The following DIS3L2 variants were observed in gnomAD, a reference collection of about 807,000 sequenced individuals.
DIS3L2 encodes DIS3-like exonuclease 2.
A neutral mutation model predicts 97.5 loss-of-function variants in DIS3L2; 34 were observed. The ratio of observed to expected loss-of-function variants is 0.35; its 90% CI spans 0.27 to 0.46. The LOEUF (loss-of-function observed/expected upper bound fraction) is 0.46. Among genes scored for constraint, DIS3L2 ranks in the 20% least tolerant of loss-of-function variants. DIS3L2 has a pLI of 1.00. For missense variants in DIS3L2, 1,038 were observed against 1,146.0 expected (o/e 0.91, Z 1.36); for synonymous variants, 435 against 445.2 (o/e 0.98, Z 0.29).
chr2:232,258,584 G>A (rs1693630433), intron 12 of DIS3L2, among the ~76,000 whole-genome samples: 1 of 133,836 alleles, frequency 7.5e-6, no homozygotes, highest in African/African-American at 2.8e-5. Flanking sequence ...GAGTGACAGA[G>A]CGAGACTCTG....
At chr2:232,334,303 T>TC (rs1355820143) in intron 17 of DIS3L2, 66 bp from the exon 18 acceptor site, 1 of 1,546,328 alleles carries the variant, frequency 6.5e-7, no homozygotes, top group Non-Finnish European at 8.8e-7. Context: ...ATGCAGCCCA[T>TC]CCCCCAGCCA....
chr2:231,984,384 CTTTTTTTTT>C (rs1297535054), intron 1 of DIS3L2, among the ~76,000 whole-genome samples: 16 of 126,028 alleles, frequency 1.3e-4, no homozygotes, highest in Non-Finnish European at 2.2e-4. Flanking sequence ...ACTGCAACTT[CTTTTTTTTT>C]TTTTTTTTTT....
Position 231,972,805 on chromosome 2 carries a change from A to G in DIS3L2, c.-94+11040A>G, listed in dbSNP as rs185501693. Among the ~76,000 whole-genome samples the G allele has an allele frequency of 3.5e-3, 532 of 152,272 alleles. 5 individuals are homozygous for G. The highest frequency in any genetic ancestry group is 0.012 in the African/African-American group (517 of 41,540). On this transcript the variant is annotated intron_variant, in intron 1 of 20. Transcript: ENST00000325385. ...GTGATCTGCCCACCTCGGCCTCTCA[A>G]AGTGCTGGGATTACAGGTGTGCACC... is the stretch of plus-strand genomic sequence containing the variant.
At chr2:232,102,081 G>A (rs1291408371) in intron 6 of DIS3L2, among the ~76,000 whole-genome samples, 1 of 152,168 alleles carries the variant, frequency 6.6e-6, no homozygotes, top group Non-Finnish European at 1.5e-5. Context: ...CTGACATTTT[G>A]TACCTTCTGA....
At chr2:232,064,264 T>G (rs977378238) in intron 5 of DIS3L2, among the ~76,000 whole-genome samples, 6 of 152,310 alleles carry the variant, frequency 3.9e-5, no homozygotes, top group African/African-American at 1.4e-4. Context: ...CAACCACTGA[T>G]CTGTTTTGCA....
At chr2:232,300,969 G>A (rs1694839487) in intron 14 of DIS3L2, among the ~76,000 whole-genome samples, 1 of 142,382 alleles carries the variant, frequency 7.0e-6, no homozygotes, top group Non-Finnish European at 1.5e-5. Flanking sequence ...CTGCCTCCTT[G>A]ACTGTGTATT....
intron 13 of DIS3L2, among the ~76,000 whole-genome samples, chr2:232,342,260 CAT>C (rs1217962635): frequency 1.3e-4 from 18 of 139,856 alleles, no homozygotes; most frequent in Non-Finnish European, 2.0e-4. Context: ...CACATACACA[CAT>C]ACACATATAC....
chr2:232,331,392 C>A (rs1164176082), intron 16 of DIS3L2, among the ~76,000 whole-genome samples: 1 of 152,204 alleles, frequency 6.6e-6, no homozygotes, highest in African/African-American at 2.4e-5. Context: ...GCTCTGGGTC[C>A]CACCCCGGCC....
At chr2:232,119,924 A>G (rs1697843958) in intron 6 of DIS3L2, among the ~76,000 whole-genome samples, 1 of 152,166 alleles carries the variant, frequency 6.6e-6, no homozygotes. Context: ...GGGGTAGTGA[A>G]AGGATGTTTT....
At chr2:232,207,257 T>C (rs1486245971) in intron 9 of DIS3L2, among the ~76,000 whole-genome samples, 1 of 152,198 alleles carries the variant, frequency 6.6e-6, no homozygotes, top group African/African-American at 2.4e-5. Flanking sequence ...ATGGGAGATA[T>C]CAAAAGGAGA....
chr2:232,096,756 T>C (rs1697027778), intron 6 of DIS3L2, among the ~76,000 whole-genome samples: 1 of 152,084 alleles, frequency 6.6e-6, no homozygotes, highest in African/African-American at 2.4e-5. Context: ...AGCTCCAGAT[T>C]TTCTGTTTGA....
intron 6 of DIS3L2, among the ~76,000 whole-genome samples, chr2:232,130,006 C>T (rs1302040036): frequency 2.0e-5 from 3 of 152,068 alleles, no homozygotes; most frequent in Non-Finnish European, 4.4e-5. Context: ...GTTTCAGTTT[C>T]TTGGGTGAAT....
chr2:232,142,695 GCTA>G (rs1480594499), intron 8 of DIS3L2, among the ~76,000 whole-genome samples: 2 of 152,064 alleles, frequency 1.3e-5, no homozygotes, highest in Admixed American at 1.3e-4. Flanking sequence ...TTCCTTAAGT[GCTA>G]CTTTCTGCTG....
chr2:232,029,665 A>G (rs1214175543), intron 4 of DIS3L2, among the ~76,000 whole-genome samples: 1 of 152,004 alleles, frequency 6.6e-6, no homozygotes, highest in African/African-American at 2.4e-5. Context: ...GGGGGGCATT[A>G]TGAATTTGCT....
At chr2:232,044,317 G>GA (rs1300348791) in intron 5 of DIS3L2, among the ~76,000 whole-genome samples, 1 of 152,172 alleles carries the variant, frequency 6.6e-6, no homozygotes, top group African/African-American at 2.4e-5. Context: ...TATGGGTTGA[G>GA]AGTCCCAGTG....
intron 9 of DIS3L2, among the ~76,000 whole-genome samples, chr2:232,171,803 G>A (rs1029926536): frequency 6.6e-6 from 1 of 152,090 alleles, no homozygotes; most frequent in African/African-American, 2.4e-5. Flanking sequence ...CTTCTTAATT[G>A]TAAGTATTTA....
chr2:232,314,421 A>G (rs1695215029), intron 14 of DIS3L2, among the ~76,000 whole-genome samples: 1 of 151,490 alleles, frequency 6.6e-6, no homozygotes, highest in Non-Finnish European at 1.5e-5. Context: ...GTCGAGACCC[A>G]AACCGAGCAG....
chr2:232,331,284 C>T (rs1396240141), intron 16 of DIS3L2, among the ~76,000 whole-genome samples: 2 of 152,242 alleles, frequency 1.3e-5, no homozygotes, highest in African/African-American at 4.8e-5. Flanking sequence ...TGTCACAGCG[C>T]CCCAGGCTGA....
intron 6 of DIS3L2, among the ~76,000 whole-genome samples, chr2:232,119,299 A>G (rs1055200335): frequency 6.6e-6 from 1 of 152,184 alleles, no homozygotes; most frequent in Admixed American, 6.5e-5. Flanking sequence ...TGCAGTTTTA[A>G]TGGATAACTA....
Sources: gnomAD v4.1 joint callset for allele counts (sites outside exome capture counted in the v4.1 genomes callset) on GRCh38, gnomAD v4.1.1 for gene constraint, MANE v1.5 for transcripts, NCBI Gene and HGNC (gene_info 2026-07-23, HGNC 2026-07-21) for gene names.